DCAF6: variants seen among roughly 807,000 people sequenced by gnomAD.
DCAF6 encodes the protein DDB1- and CUL4-associated factor 6.
A neutral mutation model predicts 125.1 loss-of-function variants in DCAF6; 54 were observed. That is an observed-to-expected ratio of 0.43 (90% confidence interval 0.35 to 0.54). DCAF6 has a LOEUF of 0.54. Among genes scored for constraint, DCAF6 ranks in the 20% least tolerant of loss-of-function variants. The pLI, the probability that DCAF6 is intolerant of heterozygous loss-of-function variation, is 0.01. For synonymous variants in DCAF6, 371 were observed against 390.4 expected (o/e 0.95, Z 0.58); for missense variants, 934 against 1,161.7 (o/e 0.80, Z 2.85).
At chr1:168,029,911 C>T (rs571918146) in intron 12 of DCAF6, among the ~76,000 whole-genome samples, 30 of 150,686 alleles carry the variant, frequency 2.0e-4, no homozygotes, top group African/African-American at 6.4e-4. Flanking sequence ...ACCCAGGAAG[C>T]GGAGCTTGCA....
chr1:167,955,001 A>G, intron 2 of DCAF6, among the ~76,000 whole-genome samples: 1 of 152,232 alleles, frequency 6.6e-6, no homozygotes, highest in East Asian at 1.9e-4. Flanking sequence ...AGAATTTTAA[A>G]TAAACGGAAT....
intron 2 of DCAF6, among the ~76,000 whole-genome samples, chr1:167,961,879 C>T (rs982207185): frequency 6.6e-6 from 1 of 152,168 alleles, no homozygotes; most frequent in African/African-American, 2.4e-5. Context: ...TACTTTGTTG[C>T]ACCTCACAGA....
At chr1:167,987,652 G>A in intron 5 of DCAF6, 44 bp downstream of exon 5, 1 of 1,021,120 alleles carries the variant, frequency 9.8e-7, no homozygotes. Context: ...AAAAATTAAG[G>A]TTATAATTAA....
intron 4 of DCAF6, among the ~76,000 whole-genome samples, chr1:167,982,628 A>G (rs1158601128): frequency 6.6e-6 from 1 of 151,964 alleles, no homozygotes; most frequent in Non-Finnish European, 1.5e-5. Context: ...TACTTTGTTG[A>G]TAGTTTCTTT....
the DCAF6 span, chr1:167,878,390 A>G: frequency 2.5e-6 from 4 of 1,581,922 alleles, no homozygotes; most frequent in Non-Finnish European, 2.6e-6. Flanking sequence ...CTTTGCTATC[A>G]TAATTCTCCC....
intron 10 of DCAF6, among the ~76,000 whole-genome samples, chr1:168,009,011 T>A (rs1440740609): frequency 5.4e-5 from 8 of 148,860 alleles, no homozygotes; most frequent in Admixed American, 1.3e-4. Flanking sequence ...TTCTTTTTCT[T>A]CTTTTTAGAC....
At chr1:167,921,967 G>C in the DCAF6 span, among the ~76,000 whole-genome samples, 2 of 152,184 alleles carry the variant, frequency 1.3e-5, no homozygotes, top group Non-Finnish European at 2.9e-5. Context: ...TTCAACTAAA[G>C]TGGTTACAAA....
the DCAF6 span, among the ~76,000 whole-genome samples, chr1:167,912,704 C>G: frequency 2.0e-5 from 3 of 152,232 alleles, no homozygotes; most frequent in African/African-American, 7.2e-5. Context: ...ATTAAACTCT[C>G]CGATCCTTAA....
Position 168,040,419 on chromosome 1 carries a change from A to G in DCAF6, c.1727+1931A>G, listed in dbSNP as rs142213724. Among the ~76,000 whole-genome samples the G allele has an allele frequency of 4.6e-5, 7 of 152,072 alleles. No homozygotes were observed. In the East Asian group the frequency reaches 1.4e-3, roughly 29 times the overall value. On this transcript the variant is annotated intron_variant, in intron 13 of 21. Coordinates refer to ENST00000367840, the MANE Select transcript of DCAF6 (RefSeq NM_001198956.2). ...GTAGAAACCAGAAGAACAGTTAAAA[A>G]GCTATGGCAGTAAGAAAGGTGAGAG...
chr1:168,035,242 T>A (rs1687642773), intron 12 of DCAF6, among the ~76,000 whole-genome samples: 2 of 152,130 alleles, frequency 1.3e-5, no homozygotes, highest in Admixed American at 1.3e-4. Context: ...GCCCAGGAGT[T>A]AAAGACCAGC....
intron 4 of DCAF6, among the ~76,000 whole-genome samples, chr1:167,977,405 A>T: frequency 6.6e-6 from 1 of 151,670 alleles, no homozygotes; most frequent in East Asian, 1.9e-4. Context: ...TTCAGATGGT[A>T]TTCCATTATA....
intron 12 of DCAF6, chr1:168,023,388 C>T (rs1292367735): frequency 6.1e-6 from 2 of 329,506 alleles, no homozygotes; most frequent in African/African-American, 2.1e-5. Flanking sequence ...GTTAATACTA[C>T]CTCGTTGCTT....
At chr1:167,953,229 C>T (rs1674255508) in intron 2 of DCAF6, among the ~76,000 whole-genome samples, 1 of 152,028 alleles carries the variant, frequency 6.6e-6, no homozygotes, top group African/African-American at 2.4e-5. Flanking sequence ...TGCCTTATAC[C>T]TAGAATTCTC....
Position 167,937,014 on chromosome 1 carries a change from C to T in DCAF6, c.97+6C>T. The T allele has an allele frequency of 2.5e-6, 4 of 1,603,280 alleles. No homozygotes were observed. The highest frequency in any genetic ancestry group is 3.4e-6 in the Non-Finnish European group (4 of 1,175,532). ...GCTGCGGAGTCGCTACCTGGGTGAG[C>T]GGGGGCCCCGGGGCGGAGGCGCTGA... On this transcript the variant is annotated splice_donor_region_variant and intron_variant, in intron 1 of 21. Coordinates refer to ENST00000367840, the MANE Select transcript of DCAF6 (RefSeq NM_001198956.2).
chr1:167,970,825 T>TA (rs945920616), intron 3 of DCAF6, among the ~76,000 whole-genome samples: 15 of 152,034 alleles, frequency 9.9e-5, no homozygotes, highest in African/African-American at 3.1e-4. Flanking sequence ...CTTAGTTTTT[T>TA]AAAAAAATAG....
chr1:168,044,313 T>C (rs1688889469), intron 14 of DCAF6, among the ~76,000 whole-genome samples: 1 of 152,032 alleles, frequency 6.6e-6, no homozygotes, highest in Non-Finnish European at 1.5e-5. Flanking sequence ...AAATACTCCC[T>C]CCCAAAATAA....
intron 5 of DCAF6, among the ~76,000 whole-genome samples, chr1:167,988,181 A>G (rs1300016745): frequency 2.6e-4 from 40 of 152,064 alleles, no homozygotes; most frequent in Non-Finnish European, 2.9e-5. Context: ...TTTTTTTGAG[A>G]CAAGGTCTCA....
At chr1:168,004,452 G>A in intron 9 of DCAF6, 81 bp from the exon 10 acceptor site, 1 of 1,380,724 alleles carries the variant, frequency 7.2e-7, no homozygotes, top group Non-Finnish European at 1.0e-6. Flanking sequence ...ATATAAATGT[G>A]TTTTCTGAGC....
chr1:168,040,166 G>A (rs576057655), intron 13 of DCAF6, among the ~76,000 whole-genome samples: 5 of 152,064 alleles, frequency 3.3e-5, no homozygotes, highest in African/African-American at 4.8e-5. Flanking sequence ...AGTGAGCCAC[G>A]TATTTATATC....
Sources: gnomAD v4.1 joint callset for allele counts (sites outside exome capture counted in the v4.1 genomes callset) on GRCh38, gnomAD v4.1.1 for gene constraint, MANE v1.5 for transcripts, NCBI Gene and HGNC (gene_info 2026-07-23, HGNC 2026-07-21) for gene names.